GALNTL6: variants seen among roughly 807,000 people sequenced by gnomAD.
GALNTL6 encodes polypeptide N-acetylgalactosaminyltransferase like 6.
A neutral mutation model predicts 73.7 loss-of-function variants in GALNTL6; 46 were observed. The observed-to-expected ratio is 0.62, with a 90% CI of 0.49 to 0.80. The LOEUF (loss-of-function observed/expected upper bound fraction) is 0.80, where lower values mean the gene tolerates loss of function less well. GALNTL6 is among the 30% of genes least tolerant of loss of function. The pLI, the probability that GALNTL6 is intolerant of heterozygous loss-of-function variation, is 0.00. For missense variants in GALNTL6, 604 were observed against 755.0 expected (o/e 0.80, Z 2.34); for synonymous variants, 259 against 263.7 (o/e 0.98, Z 0.17).
At chr4:172,589,985 G>A (rs937290350) in intron 5 of GALNTL6, among the ~76,000 whole-genome samples, 3 of 152,112 alleles carry the variant, frequency 2.0e-5, no homozygotes, top group African/African-American at 7.2e-5. Flanking sequence ...GCCCTGCTAG[G>A]GAAAATAGCA....
chr4:171,989,041 A>G (rs1346933631), intron 2 of GALNTL6, among the ~76,000 whole-genome samples: 1 of 152,066 alleles, frequency 6.6e-6, no homozygotes. Context: ...ACTAAAAAGG[A>G]GTGCTTAAAA....
At chr4:172,194,421 G>C (rs550136300) in intron 2 of GALNTL6, among the ~76,000 whole-genome samples, 1 of 152,082 alleles carries the variant, frequency 6.6e-6, no homozygotes. Context: ...TAGCATAACA[G>C]GACAACATTC....
intron 2 of GALNTL6, among the ~76,000 whole-genome samples, chr4:172,054,679 A>C (rs1189766560): frequency 6.6e-6 from 1 of 152,204 alleles, no homozygotes; most frequent in Non-Finnish European, 1.5e-5. Context: ...TATAACATTG[A>C]GGGTTACGTT....
At chr4:171,955,196 C>T (rs1739005239) in intron 2 of GALNTL6, among the ~76,000 whole-genome samples, 1 of 152,016 alleles carries the variant, frequency 6.6e-6, no homozygotes, top group South Asian at 2.1e-4. Context: ...ATTTACATTG[C>T]AAGAAACAAA....
At chr4:172,481,921 C>T (rs1045542461) in intron 5 of GALNTL6, among the ~76,000 whole-genome samples, 8 of 152,204 alleles carry the variant, frequency 5.3e-5, no homozygotes, top group Non-Finnish European at 8.8e-5. Context: ...TGGGACTGAG[C>T]GTCAGGGAGC....
chr4:172,868,618 T>C (rs1360993369), intron 7 of GALNTL6, among the ~76,000 whole-genome samples: 1 of 152,184 alleles, frequency 6.6e-6, no homozygotes, highest in Non-Finnish European at 1.5e-5. Context: ...ATTTCACTGG[T>C]AGAATATAAC....
chr4:172,960,214 C>T (rs997990206), intron 10 of GALNTL6, among the ~76,000 whole-genome samples: 2 of 152,154 alleles, frequency 1.3e-5, no homozygotes, highest in East Asian at 1.9e-4. Flanking sequence ...TTTTTATATT[C>T]GACGAAAAAG....
chr4:172,893,326 C>A (rs921923000), intron 8 of GALNTL6, among the ~76,000 whole-genome samples: 25 of 148,672 alleles, frequency 1.7e-4, no homozygotes, highest in Admixed American at 2.0e-4. Flanking sequence ...TATCACTCTT[C>A]TAAGTGTTCT....
At chr4:172,686,860 G>T (rs753731138) in intron 5 of GALNTL6, among the ~76,000 whole-genome samples, 14 of 152,070 alleles carry the variant, frequency 9.2e-5, no homozygotes, top group African/African-American at 1.7e-4. Flanking sequence ...GTCCTTTTGT[G>T]TTTTACATGA....
Position 172,534,111 on chromosome 4 carries a change from C to T in GALNTL6, c.553+185422C>T, listed in dbSNP as rs1014914907. Among the ~76,000 whole-genome samples, 8 of 152,186 alleles carry T rather than the reference C, an allele frequency of 5.3e-5. 1 individual carries two copies. The East Asian group carries it at 7.7e-4, about 15-fold the overall frequency. On this transcript the variant is annotated intron_variant, in intron 5 of 12. Coordinates refer to ENST00000506823, the MANE Select transcript of GALNTL6 (RefSeq NM_001034845.3). Reference sequence around the variant, plus strand: ...AGCCACCACGGGGAAATGATTGGAACGTTTCCTGTGAGGAACTGCAAAAAC... The same window carrying T: ...AGCCACCACGGGGAAATGATTGGAATGTTTCCTGTGAGGAACTGCAAAAAC...
chr4:173,003,010 A>T (rs1187008868), intron 10 of GALNTL6, among the ~76,000 whole-genome samples: 2 of 152,206 alleles, frequency 1.3e-5, no homozygotes, highest in Admixed American at 1.3e-4. Flanking sequence ...AATGATTAAT[A>T]GTTGCTGTTT....
chr4:172,497,680 A>G (rs1368796651), intron 5 of GALNTL6, among the ~76,000 whole-genome samples: 1 of 152,246 alleles, frequency 6.6e-6, no homozygotes, highest in African/African-American at 2.4e-5. Context: ...ATCCCTGGGC[A>G]TATCAGAAGT....
chr4:172,918,839 T>G (rs1747658450), intron 8 of GALNTL6, among the ~76,000 whole-genome samples: 1 of 152,182 alleles, frequency 6.6e-6, no homozygotes, highest in African/African-American at 2.4e-5. Flanking sequence ...GCTGCCCAAC[T>G]GAAGCTCGGT....
intron 2 of GALNTL6, among the ~76,000 whole-genome samples, chr4:171,922,556 C>T (rs1315075612): frequency 6.6e-6 from 1 of 151,270 alleles, no homozygotes; most frequent in African/African-American, 2.4e-5. Flanking sequence ...TACATTGCTC[C>T]TTTTAAACTG....
intron 3 of GALNTL6, among the ~76,000 whole-genome samples, chr4:172,268,882 T>G (rs1189923097): frequency 6.6e-6 from 1 of 152,170 alleles, no homozygotes; most frequent in Non-Finnish European, 1.5e-5. Context: ...CAGTTCAATC[T>G]TAATCTTCAC....
intron 7 of GALNTL6, among the ~76,000 whole-genome samples, chr4:172,862,308 C>T (rs1402467066): frequency 6.6e-6 from 1 of 152,144 alleles, no homozygotes; most frequent in African/African-American, 2.4e-5. Flanking sequence ...GCCCCTGCCC[C>T]AGAGGTCTGT....
intron 2 of GALNTL6, among the ~76,000 whole-genome samples, chr4:171,991,497 G>T (rs73870107): frequency 0.048 from 7,299 of 151,686 alleles, 350 homozygotes; most frequent in African/African-American, 0.12. Context: ...AAGAAGGAAT[G>T]AATCAATCTA....
intron 10 of GALNTL6, among the ~76,000 whole-genome samples, chr4:172,989,488 T>C (rs1309881260): frequency 2.0e-5 from 3 of 152,136 alleles, no homozygotes; most frequent in African/African-American, 7.2e-5. Flanking sequence ...ATGGTTTGGA[T>C]TTGTGTCCCC....
intron 5 of GALNTL6, among the ~76,000 whole-genome samples, chr4:172,687,419 G>A (rs1001948117): frequency 3.9e-5 from 6 of 151,936 alleles, no homozygotes; most frequent in African/African-American, 1.2e-4. Flanking sequence ...CACCAGGTCA[G>A]AAGTTCAAGA....
Sources: allele counts gnomAD v4.1 joint callset (sites outside exome capture counted in the v4.1 genomes callset), GRCh38; gene constraint gnomAD v4.1.1; transcripts MANE v1.5; gene names NCBI Gene and HGNC (gene_info 2026-07-23, HGNC 2026-07-21).